The following CCDC102B variants were observed in gnomAD, a reference collection of about 807,000 sequenced individuals.
The protein encoded by CCDC102B is coiled-coil domain containing 102B, also known as coiled-coil domain-containing protein 102B.
Under a neutral mutation model 57.4 loss-of-function variants are expected in CCDC102B, and 75 were observed. The ratio of observed to expected loss-of-function variants is 1.31; its 90% CI spans 1.08 to 1.58. CCDC102B has a LOEUF of 1.58. Ranked by LOEUF, CCDC102B falls within the 40% of genes most tolerant of loss-of-function variation. The pLI is 0.00. For synonymous variants in CCDC102B, 206 were observed against 201.9 expected, an observed-to-expected ratio of 1.02 and a Z score of -0.17; for missense variants, 636 against 582.6, an observed-to-expected ratio of 1.09 and a Z score of -0.94.
At chr18:68,913,305 A>AGTGTGTGTGTGTGT (rs1191988172) in intron 6 of CCDC102B, among the ~76,000 whole-genome samples, 12 of 29,548 alleles carry the variant, frequency 4.1e-4, no homozygotes, top group East Asian at 2.1e-3. Flanking sequence ...TTGGATGGTT[A>AGTGTGTGTGTGTGT]GTGTCTGTGT....
At position 69,054,088 on chromosome 18, in the gene CCDC102B, A is replaced by G; in HGVS notation, c.1493A>G (p.Glu498Gly). 6.2e-7 allele frequency: 1 copy of G among 1,607,416 alleles called. No homozygotes were observed. The highest frequency in any genetic ancestry group is 8.5e-7 in the Non-Finnish European group (1 of 1,178,226). ...CAGAGGTCTCTGGATGAAGAGAAAGAAAGAAATGAAAACTTAGAGACTGAA... is the reference window on the plus strand; with the variant it reads ...CAGAGGTCTCTGGATGAAGAGAAAGGAAGAAATGAAAACTTAGAGACTGAA... ...KLQRSLDEEK[E>G]RNENLETELR... The change falls in exon 8 of 8, where the codon GAA (glutamate) becomes GGA (glycine). Residue 498 changes from glutamate (E) to glycine (G), a missense_variant. By Grantham distance (98) the Glu-to-Gly change is moderately conservative. Transcript: ENST00000360242.
At chr18:69,056,117 T>A (rs1224815537), downstream of CCDC102B, among the ~76,000 whole-genome samples, 1 of 152,070 alleles carries the variant, frequency 6.6e-6, no homozygotes, top group African/African-American at 2.4e-5. Flanking sequence ...GAAGTTGAGA[T>A]GTGATAGATT....
At position 68,829,647 on chromosome 18, in the gene CCDC102B, G is replaced by A. The variant is rs79304633; in HGVS notation, c.-15-7102G>A. 9.7e-3 allele frequency among the ~76,000 whole-genome samples: 1,471 copies of A among 152,002 alleles called. 26 individuals carry two copies. The highest frequency in any genetic ancestry group is 0.033 in the African/African-American group (1,381 of 41,516). On this transcript the variant is annotated intron_variant, in intron 1 of 7. Transcript: ENST00000360242. ...CAAATGGGTGTGAGAAAATATTACC[G>A]CATTTCACTGACATAAAGAGCTTTC...
chr18:68,886,744 A>G (rs747770534), intron 5 of CCDC102B, among the ~76,000 whole-genome samples: 7 of 152,026 alleles, frequency 4.6e-5, no homozygotes, highest in Non-Finnish European at 1.0e-4. Flanking sequence ...TGCCTTGCTT[A>G]ATAATGCTGT....
chr18:68,812,762 T>C (rs950767806), intron 1 of CCDC102B, among the ~76,000 whole-genome samples: 6 of 152,218 alleles, frequency 3.9e-5, no homozygotes, highest in Non-Finnish European at 7.3e-5. Flanking sequence ...TTTTTGTTGT[T>C]GTTGCTGTTG....
At chr18:68,879,171 T>C (rs1232717976) in intron 5 of CCDC102B, among the ~76,000 whole-genome samples, 1 of 151,694 alleles carries the variant, frequency 6.6e-6, no homozygotes, top group Non-Finnish European at 1.5e-5. Context: ...TCGCGGCGAG[T>C]GTTACAGCTC....
At chr18:68,984,438 T>A (rs1260404053) in intron 6 of CCDC102B, among the ~76,000 whole-genome samples, 1 of 152,136 alleles carries the variant, frequency 6.6e-6, no homozygotes, top group Non-Finnish European at 1.5e-5. Flanking sequence ...GTTCTGGCAC[T>A]TCTTCCCAAG....
intron 2 of CCDC102B, among the ~76,000 whole-genome samples, chr18:68,719,249 A>G (rs2032193577): frequency 6.6e-6 from 1 of 152,220 alleles, no homozygotes. Flanking sequence ...CTGTATCAGG[A>G]TTCTCCAGAG....
chr18:68,785,048 A>G (rs1455544980), intron 2 of CCDC102B, among the ~76,000 whole-genome samples: 5 of 141,224 alleles, frequency 3.5e-5, no homozygotes, highest in South Asian at 2.2e-4. Flanking sequence ...TCATTGTTCA[A>G]TTCCCACCTA....
intron 6 of CCDC102B, among the ~76,000 whole-genome samples, chr18:69,008,625 GCGTTCTCTTC>G (rs1005500056): frequency 2.6e-4 from 40 of 152,230 alleles, no homozygotes; most frequent in African/African-American, 9.1e-4. Flanking sequence ...GGCATGGGGG[GCGTTCTCTTC>G]CATTCAAACT....
At chr18:68,776,198 C>T (rs1457612770) in intron 2 of CCDC102B, among the ~76,000 whole-genome samples, 1 of 152,108 alleles carries the variant, frequency 6.6e-6, no homozygotes, top group Non-Finnish European at 1.5e-5. Flanking sequence ...CACTAATTGT[C>T]ACCTCAGTTG....
chr18:68,724,453 T>C (rs1305620360), intron 2 of CCDC102B, among the ~76,000 whole-genome samples: 1 of 152,202 alleles, frequency 6.6e-6, no homozygotes, highest in Non-Finnish European at 1.5e-5. Context: ...TCCTCTTGAT[T>C]GCTTTGCTCC....
At chr18:68,893,265 T>G (rs536493971) in intron 5 of CCDC102B, among the ~76,000 whole-genome samples, 1 of 152,282 alleles carries the variant, frequency 6.6e-6, no homozygotes, top group South Asian at 2.1e-4. Flanking sequence ...AAGAGTTTTC[T>G]TATGTTATAA....
At chr18:68,846,455 A>G in intron 4 of CCDC102B, 34 bp downstream of exon 4, 1 of 1,357,796 alleles carries the variant, frequency 7.4e-7, no homozygotes, top group Non-Finnish European at 1.0e-6. Flanking sequence ...GAAGAAATGA[A>G]GCCTAGCTTT....
intron 6 of CCDC102B, among the ~76,000 whole-genome samples, chr18:68,937,209 T>A (rs968407271): frequency 6.6e-6 from 1 of 152,022 alleles, no homozygotes; most frequent in Non-Finnish European, 1.5e-5. Flanking sequence ...CTTCTAGCAC[T>A]TAGGAACATT....
chr18:69,030,773 G>A (rs140979357), intron 7 of CCDC102B, among the ~76,000 whole-genome samples: 4,499 of 152,222 alleles, frequency 0.03, 145 homozygotes, highest in East Asian at 0.16. Context: ...TTCTGCCTCA[G>A]CCTCCTGCGT....
intron 2 of CCDC102B, among the ~76,000 whole-genome samples, chr18:68,736,071 A>G (rs2033114252): frequency 6.6e-6 from 1 of 152,248 alleles, no homozygotes; most frequent in Admixed American, 6.5e-5. Context: ...TATCCTTTAT[A>G]CAAAAACAAT....
chr18:68,930,413 A>G (rs958363053), intron 6 of CCDC102B, among the ~76,000 whole-genome samples: 2 of 152,028 alleles, frequency 1.3e-5, no homozygotes, highest in Non-Finnish European at 2.9e-5. Context: ...AATATATGGT[A>G]AAGTAATACA....
intron 6 of CCDC102B, among the ~76,000 whole-genome samples, chr18:68,900,801 G>A (rs2040423511): frequency 6.6e-6 from 1 of 152,098 alleles, no homozygotes; most frequent in Admixed American, 6.6e-5. Context: ...TATTCCATTA[G>A]TTAATGAAGA....
Sources: gnomAD v4.1 joint callset for allele counts (sites outside exome capture counted in the v4.1 genomes callset) on GRCh38, gnomAD v4.1.1 for gene constraint, MANE v1.5 for transcripts, NCBI Gene and HGNC (gene_info 2026-07-23, HGNC 2026-07-21) for gene names.